NAV3: variants seen among roughly 807,000 people sequenced by gnomAD.
NAV3 encodes the protein pore membrane and/or filament interacting like protein 1.
A neutral mutation model predicts 244.7 loss-of-function variants in NAV3; 87 were observed. That is an observed-to-expected ratio of 0.36 (90% CI 0.30 to 0.42). The LOEUF (loss-of-function observed/expected upper bound fraction) is 0.42, where lower values mean the gene tolerates loss of function less well. NAV3 is among the 20% of genes least tolerant of loss of function. The pLI, the probability that NAV3 is intolerant of heterozygous loss-of-function variation, is 1.00. For missense variants in NAV3, 2,663 were observed against 2,893.3 expected (o/e 0.92, Z 1.83); for synonymous variants, 1,126 against 1,042.2 (o/e 1.08, Z -1.55).
Position 78,159,193 on chromosome 12 carries a change from C to T in NAV3, c.4786-10C>T. The T allele has an allele frequency of 1.2e-6, 2 of 1,609,660 alleles. No individual in the cohort carries two copies. Among genetic ancestry groups the T allele is most frequent in the South Asian group, 2.2e-5 (2 of 90,356 alleles). ...ACATTTAAACTATGTTTCTTCCATT[C>T]TGTTCACAGGCTCACCTTGTAGCAG... On this transcript the variant is annotated splice_polypyrimidine_tract_variant and intron_variant, in intron 22 of 39. Coordinates refer to ENST00000397909, the MANE Select transcript of NAV3 (RefSeq NM_001024383.2).
intron 2 of NAV3, among the ~76,000 whole-genome samples, chr12:77,574,738 A>G (rs1868998300): frequency 6.6e-6 from 1 of 152,138 alleles, no homozygotes; most frequent in Admixed American, 6.6e-5. Context: ...TCAGCTTACA[A>G]TAAATCACTA....
In NAV3 at chr12:77,875,117, A is replaced by G. The variant is rs558365163; in HGVS notation, c.243+43413A>G. Among the ~76,000 whole-genome samples the G allele has an allele frequency of 4.6e-5, 7 of 152,234 alleles. No individual in the cohort carries two copies. The East Asian group carries it at 1.2e-3, about 25-fold the overall frequency. ...ACATTTACTTGCTTTTATGCAAAAG[A>G]AAATATTTTAAAAATATTTTTATTA... is the stretch of plus-strand genomic sequence containing the variant. On this transcript the variant is annotated intron_variant, in intron 1 of 39. Coordinates refer to ENST00000397909, the MANE Select transcript of NAV3 (RefSeq NM_001024383.2).
Position 77,758,596 on chromosome 12 carries a change from A to T in NAV3, c.73-181723A>T, listed in dbSNP as rs553488801. 2.0e-5 allele frequency among the ~76,000 whole-genome samples: 3 copies of T among 152,330 alleles called. No individual in the cohort carries two copies. In the East Asian group the frequency reaches 5.8e-4, roughly 29 times the overall value. On this transcript the variant is annotated intron_variant, in intron 2 of 8. Transcript: ENST00000550042. The stretch of plus-strand genomic sequence containing the variant: ...ATTACCCAAGTAACCAGTTATACGC[A>T]GTCTAAATAGCTAGAAATTGCTGAT...
At chr12:78,099,994 G>T (rs1466957146) in intron 12 of NAV3, among the ~76,000 whole-genome samples, 10 of 151,860 alleles carry the variant, frequency 6.6e-5, no homozygotes. Context: ...CAGAATAGCT[G>T]TAAATCTTCA....
intron 2 of NAV3, among the ~76,000 whole-genome samples, chr12:77,696,068 T>C (rs1232828094): frequency 1.3e-5 from 2 of 152,144 alleles, no homozygotes; most frequent in Non-Finnish European, 1.5e-5. Flanking sequence ...GTAGAAAGAT[T>C]AGCTACTAAA....
chr12:78,119,884 G>C lies in NAV3; in HGVS notation c.3688G>C (p.Ala1230Pro). The change falls in exon 15 of 40, where the codon GCA becomes CCA. Residue 1230 changes from alanine to proline, a missense_variant. Transcript: ENST00000397909. Reference sequence around the variant, plus strand: ...CCCCACCTCTGCCAGCGCCTGTGGTGCACAAGGTCTCAGGCAGCCAGGATC... The same window carrying C: ...CCCCACCTCTGCCAGCGCCTGTGGTCCACAAGGTCTCAGGCAGCCAGGATC... ...SSPTSASACG[A>P]QGLRQPGSKY... is the part of the protein sequence containing the mutation. The C allele has an allele frequency of 6.2e-7, 1 of 1,614,136 alleles. No homozygotes were observed. The highest frequency in any genetic ancestry group is 8.5e-7 in the Non-Finnish European group (1 of 1,180,036).
At chr12:77,714,774 T>C (rs1876285492) in intron 2 of NAV3, among the ~76,000 whole-genome samples, 1 of 152,138 alleles carries the variant, frequency 6.6e-6, no homozygotes, top group Admixed American at 6.5e-5. Flanking sequence ...ATTTAATCTA[T>C]TCCTTTTATA....
At chr12:77,890,152 A>C (rs539071885) in intron 1 of NAV3, among the ~76,000 whole-genome samples, 3 of 152,312 alleles carry the variant, frequency 2.0e-5, no homozygotes, top group African/African-American at 7.2e-5. Context: ...ATCAAGTCTC[A>C]GTTCTCAGTT....
chr12:78,175,347 A>G lies in NAV3; in HGVS notation c.5023A>G (p.Ser1675Gly), dbSNP rs780099632. ...ACAGCATTCCTCTGAAAGTGTTTCT[A>G]GTATCAACAGTGCCACAAGCCATTC... ...RRQHSSESVS[S>G]INSATSHSSI... The change falls in exon 25 of 40, where the codon AGT (serine) becomes GGT (glycine). Residue 1675 changes from serine (S) to glycine (G), a missense_variant. Physicochemically the swap from Ser to Gly is moderately conservative, Grantham distance 56. Around this residue, in one of 6 missense-constraint regions of NAV3, gnomAD observed 193 missense variants for 200.7 expected, o/e 0.96. Coordinates refer to ENST00000397909, the MANE Select transcript of NAV3 (RefSeq NM_001024383.2). The G allele has an allele frequency of 6.2e-7, 1 of 1,611,640 alleles. No individual in the cohort carries two copies. The highest frequency in any genetic ancestry group is 8.5e-7 in the Non-Finnish European group (1 of 1,178,390).
At chr12:77,740,735 T>C (rs371489126) in intron 2 of NAV3, among the ~76,000 whole-genome samples, 2 of 152,118 alleles carry the variant, frequency 1.3e-5, no homozygotes, top group South Asian at 2.1e-4. Flanking sequence ...TCTTTAACCA[T>C]TTCTATTGAG....
At position 77,625,565 on chromosome 12, in the gene NAV3, G is replaced by T. The variant is rs143932828; in HGVS notation, c.72+53299G>T. ...TTAACTCATCCACATCTGGCCCACT[G>T]CCATTACCACTAATGCCCAAGGAAT... On this transcript the variant is annotated intron_variant, in intron 2 of 8. Transcript: ENST00000550042. Among the ~76,000 whole-genome samples the T allele has an allele frequency of 2.0e-5, 3 of 152,246 alleles. No homozygotes were observed. In the East Asian group the frequency reaches 5.8e-4, roughly 29 times the overall value.
Position 77,831,709 on chromosome 12 carries a change from G to T in NAV3, c.243+5G>T. On this transcript the variant is annotated splice_donor_5th_base_variant and intron_variant, in intron 1 of 39. Coordinates refer to ENST00000397909, the MANE Select transcript of NAV3 (RefSeq NM_001024383.2). Reference sequence around the variant, plus strand: ...AAGGAGAAAGAAGACAGCAAGGTTAGTTGCTGAAGTTACCTGCAGACTTGT... The same window carrying T: ...AAGGAGAAAGAAGACAGCAAGGTTATTTGCTGAAGTTACCTGCAGACTTGT... 1.3e-6 allele frequency: 2 copies of T among 1,593,798 alleles called. No homozygotes were observed. Among genetic ancestry groups the T allele is most frequent in the Non-Finnish European group, 1.7e-6 (2 of 1,172,352 alleles).
intron 22 of NAV3, among the ~76,000 whole-genome samples, chr12:78,155,152 A>G (rs959336967): frequency 2.6e-5 from 4 of 151,906 alleles, no homozygotes; most frequent in African/African-American, 7.3e-5. Context: ...TCCATTAGCT[A>G]TTCTTCCTGA....
At chr12:78,143,836 C>T (rs1956740801) in intron 20 of NAV3, among the ~76,000 whole-genome samples, 1 of 152,102 alleles carries the variant, frequency 6.6e-6, no homozygotes, top group South Asian at 2.1e-4. Context: ...TAATTGACAC[C>T]TTTAGATGTT....
intron 2 of NAV3, among the ~76,000 whole-genome samples, chr12:77,733,645 A>T (rs1222563797): frequency 6.6e-6 from 1 of 151,988 alleles, no homozygotes; most frequent in African/African-American, 2.4e-5. Context: ...AGTTACACTT[A>T]AATGGTGGCT....
chr12:77,601,540 A>C (rs550019650), intron 2 of NAV3, among the ~76,000 whole-genome samples: 1 of 152,126 alleles, frequency 6.6e-6, no homozygotes, highest in East Asian at 1.9e-4. Flanking sequence ...AGATCATTTC[A>C]GAAGTAATGG....
At chr12:77,728,281 A>G (rs143405578) in intron 2 of NAV3, among the ~76,000 whole-genome samples, 1 of 152,110 alleles carries the variant, frequency 6.6e-6, no homozygotes, top group African/African-American at 2.4e-5. Flanking sequence ...TTGTGGTCAA[A>G]AGTGTTTTGA....
chr12:78,184,189 A>G (rs757132073), intron 30 of NAV3, among the ~76,000 whole-genome samples: 4 of 151,914 alleles, frequency 2.6e-5, no homozygotes, highest in Admixed American at 6.6e-5. Context: ...TCATCTTGGT[A>G]TTCATTCCCA....
upstream of NAV3, among the ~76,000 whole-genome samples, chr12:77,827,441 C>T (rs1873130191): frequency 6.6e-6 from 1 of 151,918 alleles, no homozygotes; most frequent in Non-Finnish European, 1.5e-5. Context: ...TTTTAAATTA[C>T]TGATATTAAA....
Sources: gnomAD v4.1 joint callset for allele counts (sites outside exome capture counted in the v4.1 genomes callset) on GRCh38, gnomAD v4.1.1 for gene constraint, gnomAD v4.1.1 regional missense constraint, MANE v1.5 for transcripts, NCBI Gene and HGNC (gene_info 2026-07-23, HGNC 2026-07-21) for gene names.